The following XXYLT1 variants were observed in gnomAD, a reference collection of about 807,000 sequenced individuals.
XXYLT1 encodes UDP-xylose:alpha-xyloside alpha-1,3-xylosyltransferase.
Under a neutral mutation model 28.9 loss-of-function variants are expected in XXYLT1, and 20 were observed. That is an observed-to-expected ratio of 0.69 (90% confidence interval 0.49 to 1.00). XXYLT1 has a LOEUF of 1.00. Among genes scored for constraint, XXYLT1 ranks in the 50% least tolerant of loss-of-function variants. XXYLT1 has a pLI of 0.00. For synonymous variants in XXYLT1, 257 were observed against 253.8 expected (o/e 1.01, Z -0.12); for missense variants, 542 against 560.1 (o/e 0.97, Z 0.33).
At chr3:195,197,715 G>A (rs950551610) in intron 2 of XXYLT1, among the ~76,000 whole-genome samples, 5 of 152,224 alleles carry the variant, frequency 3.3e-5, no homozygotes, top group Admixed American at 2.0e-4. Context: ...CTGCTCCAGC[G>A]AAGCTGCTTG....
intron 2 of XXYLT1, among the ~76,000 whole-genome samples, chr3:195,225,124 C>G (rs1255575138): frequency 6.6e-6 from 1 of 152,182 alleles, no homozygotes; most frequent in Non-Finnish European, 1.5e-5. Context: ...CTCAGCTTCA[C>G]CTGTAACCCC....
At chr3:195,154,958 G>T (rs548014130) in intron 3 of XXYLT1, among the ~76,000 whole-genome samples, 4 of 152,130 alleles carry the variant, frequency 2.6e-5, no homozygotes, top group Non-Finnish European at 5.9e-5. Flanking sequence ...GATCTTCCTG[G>T]TATGAAGGGG....
intron 2 of XXYLT1, among the ~76,000 whole-genome samples, chr3:195,208,156 A>G (rs1723154663): frequency 2.0e-5 from 3 of 152,226 alleles, no homozygotes; most frequent in Admixed American, 6.5e-5. Context: ...GAGGCTGCCC[A>G]CCACATACCC....
At chr3:195,083,339 G>A (rs1010381834) in intron 3 of XXYLT1, among the ~76,000 whole-genome samples, 3 of 152,086 alleles carry the variant, frequency 2.0e-5, no homozygotes, top group Non-Finnish European at 4.4e-5. Flanking sequence ...AGAACCTCTC[G>A]AAAGACTCCT....
intron 3 of XXYLT1, among the ~76,000 whole-genome samples, chr3:195,102,486 G>A (rs541285151): frequency 6.6e-6 from 1 of 152,116 alleles, no homozygotes; most frequent in African/African-American, 2.4e-5. Flanking sequence ...CTCTACCGCT[G>A]TGTATTCAGC....
rs191108452 is a variant in XXYLT1, at chr3:195,132,482, A to C, written c.785+23967T>G. On this transcript the variant is annotated intron_variant, in intron 3 of 3. Transcript: ENST00000310380. ...ACTCGGTCTCCAAAAAAAAAAAAAG[A>C]AAGAAAATAAGTGCTTAGAACAGTG... 5.8e-3 allele frequency among the ~76,000 whole-genome samples: 878 copies of C among 152,048 alleles called. 4 individuals carry two copies. Among genetic ancestry groups the C allele is most frequent in the Non-Finnish European group, 8.2e-3 (555 of 67,954 alleles).
At chr3:195,070,500 C>A (rs1560077973) in intron 3 of XXYLT1, among the ~76,000 whole-genome samples, 1 of 152,126 alleles carries the variant, frequency 6.6e-6, no homozygotes, top group Non-Finnish European at 1.5e-5. Flanking sequence ...AAGTCACACA[C>A]CTAGTAAGCA....
At chr3:195,107,613 AGGAGGAGGGGGAGGAGGAGGGGG>A (rs1717211393) in intron 3 of XXYLT1, among the ~76,000 whole-genome samples, 2 of 19,436 alleles carry the variant, frequency 1.0e-4, no homozygotes, top group African/African-American at 2.1e-4. Context: ...GAGGAAGGGG[AGGAGGAGGGGGAGGAGGAGGGGG>A]AGGAGGAGGA....
intron 2 of XXYLT1, among the ~76,000 whole-genome samples, chr3:195,163,124 C>A (rs1267013913): frequency 1.3e-5 from 2 of 151,918 alleles, no homozygotes; most frequent in African/African-American, 4.8e-5. Flanking sequence ...TTTCAGAGAC[C>A]CCTGGGGGAG....
At position 195,078,326 on chromosome 3, in the gene XXYLT1, C is replaced by T. The variant is rs996618258; in HGVS notation, c.786-8215G>A. On this transcript the variant is annotated intron_variant, in intron 3 of 3. Transcript: ENST00000310380. This position sits in a 1 kb window ranked among gnomAD's most constrained non-coding sequence, Gnocchi z 5.0. ...GAAGATGCAGGGCGTTGGAGGACCCCGGCCACCTGTCCCTCACACTGACAG... is the reference window on the plus strand; with the variant it reads ...GAAGATGCAGGGCGTTGGAGGACCCTGGCCACCTGTCCCTCACACTGACAG... Among the ~76,000 whole-genome samples the T allele has an allele frequency of 5.9e-5, 9 of 152,140 alleles. No homozygotes were observed. Among genetic ancestry groups the T allele is most frequent in the Non-Finnish European group, 1.3e-4 (9 of 68,006 alleles).
chr3:195,242,407 A>C (rs1724816492), intron 1 of XXYLT1, among the ~76,000 whole-genome samples: 1 of 152,150 alleles, frequency 6.6e-6, no homozygotes. Context: ...TTTTACACCC[A>C]ACCTGCAAAC....
At chr3:195,234,396 C>A (rs1724442663) in intron 1 of XXYLT1, among the ~76,000 whole-genome samples, 1 of 140,732 alleles carries the variant, frequency 7.1e-6, no homozygotes, top group Non-Finnish European at 1.5e-5. Context: ...CAGCTCACTG[C>A]AACCTCTTGC....
chr3:195,082,517 C>T (rs1486071016), intron 3 of XXYLT1, among the ~76,000 whole-genome samples: 1 of 152,170 alleles, frequency 6.6e-6, no homozygotes. Flanking sequence ...CACACGGAAC[C>T]TCGTGGGAGT....
intron 3 of XXYLT1, among the ~76,000 whole-genome samples, chr3:195,112,729 C>T (rs1026929806): frequency 3.4e-5 from 5 of 146,828 alleles, no homozygotes; most frequent in African/African-American, 1.3e-4. Flanking sequence ...CTCCCAGCCC[C>T]GGGTGGTAGG....
rs116775986 is a variant in XXYLT1 at position 195,136,383 on chromosome 3, G to C, written c.785+20066C>G. ...CAGGCTATAAGGTGGCTGGGTAGGAGACTGCAAAACATCTCAAGAGCTGCT... is the reference window on the plus strand; with the variant it reads ...CAGGCTATAAGGTGGCTGGGTAGGACACTGCAAAACATCTCAAGAGCTGCT... On this transcript the variant is annotated intron_variant, in intron 3 of 3. Transcript: ENST00000310380. 7.3e-3 allele frequency among the ~76,000 whole-genome samples: 1,113 copies of C among 152,200 alleles called. 17 individuals are homozygous for C. The highest frequency in any genetic ancestry group is 0.025 in the African/African-American group (1,048 of 41,510).
In XXYLT1 at chr3:195,144,040, C is replaced by G. The variant is rs181699121; in HGVS notation, c.785+12409G>C. 3.3e-3 allele frequency among the ~76,000 whole-genome samples: 486 copies of G among 149,040 alleles called. 6 individuals carry two copies. The highest frequency in any genetic ancestry group is 0.011 in the African/African-American group (464 of 40,860). ...TCCCAAGTAGCTGGGATTACAGGCA[C>G]CCGCCACCACGCCCAGCTGATTTTT... On this transcript the variant is annotated intron_variant, in intron 3 of 3. Transcript: ENST00000310380.
chr3:195,125,223 G>A (rs1415545849), intron 3 of XXYLT1, among the ~76,000 whole-genome samples: 6 of 152,264 alleles, frequency 3.9e-5, no homozygotes, highest in African/African-American at 4.8e-5. Flanking sequence ...GAGGGGACCC[G>A]GCTCCGACAG....
intron 3 of XXYLT1, among the ~76,000 whole-genome samples, chr3:195,107,538 G>GAAGGA (rs200445183): frequency 9.7e-5 from 1 of 10,280 alleles, no homozygotes; most frequent in Non-Finnish European, 2.3e-4. Flanking sequence ...GGAGGAGGAG[G>GAAGGA]GGGAGGAGGA....
At chr3:195,105,018 G>A (rs1717008860) in intron 3 of XXYLT1, among the ~76,000 whole-genome samples, 1 of 152,224 alleles carries the variant, frequency 6.6e-6, no homozygotes, top group African/African-American at 2.4e-5. Context: ...CCTGTCTTTT[G>A]AGGTGCCCTG....
Sources: gnomAD v4.1 joint callset for allele counts (sites outside exome capture counted in the v4.1 genomes callset) on GRCh38, gnomAD v4.1.1 for gene constraint, Gnocchi (gnomAD v3.1) non-coding constraint, MANE v1.5 for transcripts, NCBI Gene and HGNC (gene_info 2026-07-23, HGNC 2026-07-21) for gene names.